The following PRKAG2 variants were observed in gnomAD, a reference collection of about 807,000 sequenced individuals.
PRKAG2 encodes protein kinase AMP-activated non-catalytic subunit gamma 2, also known as 5'-AMP-activated protein kinase subunit gamma-2.
Under a neutral mutation model 69.6 loss-of-function variants are expected in PRKAG2, and 26 were observed. That is an observed-to-expected ratio of 0.37 (90% confidence interval 0.27 to 0.52). PRKAG2 has a LOEUF of 0.52. Ranked by LOEUF, PRKAG2 falls within the 20% of genes least tolerant of loss-of-function variation. The probability of loss-of-function intolerance (pLI) is 0.90; values close to 1 mark genes in which losing one functional copy is unlikely to be tolerated. For synonymous variants in PRKAG2, 293 were observed against 285.0 expected (o/e 1.03, Z -0.28); for missense variants, 557 against 740.0 (o/e 0.75, Z 2.87).
At chr7:151,772,056 G>C (rs2076046950) in intron 3 of PRKAG2, among the ~76,000 whole-genome samples, 1 of 152,252 alleles carries the variant, frequency 6.6e-6, no homozygotes, top group African/African-American at 2.4e-5. Context: ...ACACTCTGGT[G>C]GGGAGAGACA....
intron 3 of PRKAG2, among the ~76,000 whole-genome samples, chr7:151,677,006 C>T (rs1330901473): frequency 1.3e-5 from 2 of 152,180 alleles, no homozygotes; most frequent in Non-Finnish European, 2.9e-5. Flanking sequence ...TCAGAGAGAG[C>T]GTGGCGCTGC....
At position 151,818,148 on chromosome 7, in the gene PRKAG2, T is replaced by C. The variant is rs377691130; in HGVS notation, c.115-31607A>G. Among the ~76,000 whole-genome samples the C allele has an allele frequency of 1.5e-4, 23 of 152,292 alleles. No individual in the cohort carries two copies. In the South Asian group the frequency reaches 3.1e-3, roughly 21 times the overall value. ...GCCAGACATTGGGGCCTTATGATAT[T>C]ACATAACAAGTCAAAACAGTGACTT... On this transcript the variant is annotated intron_variant, in intron 1 of 15. Coordinates refer to ENST00000287878, the MANE Select transcript of PRKAG2 (RefSeq NM_016203.4).
intron 9 of PRKAG2, 47 bp downstream of exon 9, chr7:151,572,617 A>G (rs1430721756): frequency 2.2e-6 from 3 of 1,388,566 alleles, no homozygotes; most frequent in East Asian, 2.3e-5. Context: ...CATACTAAAC[A>G]TAGCTTTCCC....
At chr7:151,619,520 G>A (rs1820963357) in intron 5 of PRKAG2, among the ~76,000 whole-genome samples, 1 of 152,174 alleles carries the variant, frequency 6.6e-6, no homozygotes. Context: ...CCACAAGGGT[G>A]GCTGAGACAG....
intron 6 of PRKAG2, among the ~76,000 whole-genome samples, chr7:151,592,480 T>A (rs901701284): frequency 8.5e-5 from 13 of 152,086 alleles, no homozygotes; most frequent in Non-Finnish European, 1.0e-4. Context: ...AGACTGCTCT[T>A]CCCCCTCATT....
intron 4 of PRKAG2, among the ~76,000 whole-genome samples, chr7:151,665,469 G>A (rs1830909128): frequency 6.6e-6 from 1 of 152,178 alleles, no homozygotes; most frequent in East Asian, 1.9e-4. Flanking sequence ...GATTCCAACA[G>A]TGCAGGAACA....
chr7:151,759,211 G>A (rs1405887602), intron 3 of PRKAG2, among the ~76,000 whole-genome samples: 2 of 152,042 alleles, frequency 1.3e-5, no homozygotes, highest in South Asian at 2.1e-4. Flanking sequence ...CATTTGCATC[G>A]TGGGCCCCTC....
At position 151,557,346 on chromosome 7, in the gene PRKAG2, C is replaced by T. The variant is rs562949114; in HGVS notation, c.1679-114G>A. On this transcript the variant is annotated intron_variant, in intron 15 of 15. Transcript: ENST00000287878. Reference sequence around the variant, plus strand: ...CCTTAGGAGGATGATCCAGAGGCTTCGGAGGAGGGCGATGTGGGAAGGAGC... The same window carrying T: ...CCTTAGGAGGATGATCCAGAGGCTTTGGAGGAGGGCGATGTGGGAAGGAGC... 7.5e-5 allele frequency: 121 copies of T among 1,607,982 alleles called. No individual in the cohort carries two copies. The African/African-American group carries it at 1.1e-3, about 15-fold the overall frequency.
intron 3 of PRKAG2, among the ~76,000 whole-genome samples, chr7:151,709,909 G>A (rs1255692644): frequency 6.6e-6 from 1 of 152,148 alleles, no homozygotes; most frequent in Non-Finnish European, 1.5e-5. Context: ...ACAGTGACAT[G>A]TGATATTGTG....
chr7:151,875,584 T>G (rs1411084593), intron 1 of PRKAG2, among the ~76,000 whole-genome samples: 3 of 104,034 alleles, frequency 2.9e-5, no homozygotes, highest in African/African-American at 7.6e-5. Flanking sequence ...TGTGTGTGTG[T>G]GTGTGTGTGT....
In PRKAG2 at chr7:151,595,492, G is replaced by A; in HGVS notation, c.755-38C>T. The A allele has an allele frequency of 2.2e-6, 3 of 1,372,802 alleles. No homozygotes were observed. The South Asian group carries it at 3.5e-5, about 16-fold the overall frequency. The allele number at this position is 1,372,802 out of a possible 1,614,324, so 85.0% of individuals were successfully genotyped here. A position where few individuals can be genotyped will look rare whatever the true frequency, so the allele number is the denominator to read the frequency against. The stretch of plus-strand genomic sequence containing the variant: ...AAGGCAAAACATCAGTAATAATAAA[G>A]AATTCCCTCAATCGGATGAAGAGCA... On this transcript the variant is annotated intron_variant, in intron 5 of 15. Transcript: ENST00000287878.
chr7:151,635,969 G>A (rs931969385), intron 4 of PRKAG2, among the ~76,000 whole-genome samples: 6 of 150,678 alleles, frequency 4.0e-5, no homozygotes, highest in Non-Finnish European at 5.9e-5. Context: ...CCGGGTTCAC[G>A]CCATTCTCCT....
At chr7:151,704,079 T>C (rs1221399716) in intron 3 of PRKAG2, among the ~76,000 whole-genome samples, 2 of 151,358 alleles carry the variant, frequency 1.3e-5, no homozygotes, top group African/African-American at 4.9e-5. Context: ...AAAATGTGGG[T>C]ACATAGTAGG....
chr7:151,769,892 C>T (rs1439647945), intron 3 of PRKAG2, among the ~76,000 whole-genome samples: 2 of 152,120 alleles, frequency 1.3e-5, no homozygotes, highest in Non-Finnish European at 2.9e-5. Flanking sequence ...CTAGGGACCA[C>T]GGAGGCCAAA....
intron 3 of PRKAG2, among the ~76,000 whole-genome samples, chr7:151,743,320 G>A (rs562371085): frequency 1.4e-4 from 21 of 152,252 alleles, no homozygotes; most frequent in Admixed American, 7.2e-4. Context: ...CAGGTAATTC[G>A]GGTGGCAGAT....
intron 4 of PRKAG2, among the ~76,000 whole-genome samples, chr7:151,673,887 G>T (rs1264792739): frequency 7.0e-6 from 1 of 143,472 alleles, no homozygotes; most frequent in Non-Finnish European, 1.5e-5. Flanking sequence ...CTGTCACCCA[G>T]GCCGGAGTGC....
rs1033162757 is a variant in PRKAG2 at position 151,814,641 on chromosome 7, T to G, written c.115-28100A>C. On this transcript the variant is annotated intron_variant, in intron 1 of 15. Transcript: ENST00000287878. This position sits in a 1 kb window ranked among gnomAD's most constrained non-coding sequence, Gnocchi z 4.8. The stretch of plus-strand genomic sequence containing the variant: ...TGTGCTCCGAGCTGCTGCCACTGCA[T>G]GTCTGCAACAGATGGGGACCGGGGC... The G allele has an allele frequency of 8.1e-6, 10 of 1,231,702 alleles. No homozygotes were observed. Among genetic ancestry groups the G allele is most frequent in the Non-Finnish European group, 1.0e-5 (10 of 988,020 alleles). The allele number at this position is 1,231,702 out of a possible 1,614,324, so 76.3% of individuals were successfully genotyped here.
intron 4 of PRKAG2, among the ~76,000 whole-genome samples, chr7:151,651,015 T>A (rs912139783): frequency 6.6e-6 from 1 of 152,212 alleles, no homozygotes. Context: ...ATGAATAAAC[T>A]GAGCCTGTCA....
At chr7:151,604,449 C>G (rs1456318211) in intron 5 of PRKAG2, among the ~76,000 whole-genome samples, 4 of 152,026 alleles carry the variant, frequency 2.6e-5, no homozygotes, top group Non-Finnish European at 4.4e-5. Context: ...CCAGCCTGGG[C>G]AACATAGTGA....
Sources: allele counts gnomAD v4.1 joint callset (sites outside exome capture counted in the v4.1 genomes callset), GRCh38; gene constraint gnomAD v4.1.1; non-coding constraint Gnocchi (gnomAD v3.1); transcripts MANE v1.5; gene names NCBI Gene and HGNC (gene_info 2026-07-23, HGNC 2026-07-21).